The following PKD1 variants were observed in gnomAD, a reference collection of about 807,000 sequenced individuals.
The protein encoded by PKD1 is polycystin-1.
A neutral mutation model predicts 361.7 loss-of-function variants in PKD1; 81 were observed. The ratio of observed to expected loss-of-function variants is 0.22; its 90% CI spans 0.19 to 0.27. The LOEUF is 0.27. Among genes scored for constraint, PKD1 ranks in the 10% least tolerant of loss-of-function variants. The probability of loss-of-function intolerance (pLI) is 1.00; values close to 1 mark genes in which losing one functional copy is unlikely to be tolerated. For missense variants in PKD1, 6,399 were observed against 6,118.3 expected (o/e 1.05, Z -1.53); for synonymous variants, 3,615 against 2,818.3 (o/e 1.28, Z -8.95).
Position 2,090,697 on chromosome 16 carries a change from C to G in PKD1, c.12115G>C (p.Ala4039Pro), listed in dbSNP as rs914421862. ...ACCAGGATGGCCAGCTGGGCGTAGG[C>G]TACCCCGAGCACCACCAGGCCCAAG... ...VTLGLVVLGVAYAQLAILLVS... is the reference protein window; with the variant it reads ...VTLGLVVLGVPYAQLAILLVS... Residue 4039 changes from alanine to proline, a missense_variant, in exon 44 of 46, where the codon GCC (alanine) becomes CCC (proline). Ala to Pro is a conservative substitution (Grantham distance 27). Transcript: ENST00000262304. 2 of 1,612,264 alleles carry G rather than the reference C, an allele frequency of 1.2e-6. No homozygotes were observed. Among genetic ancestry groups the G allele is most frequent in the Non-Finnish European group, 1.7e-6 (2 of 1,179,946 alleles).
chr16:2,131,674 T>G (rs1480025119), intron 1 of PKD1, among the ~76,000 whole-genome samples: 1 of 150,136 alleles, frequency 6.7e-6, no homozygotes, highest in African/African-American at 2.5e-5. Context: ...TTTTTAAAAA[T>G]TAGCCGGGCG....
At position 2,089,580 on chromosome 16, in the gene PKD1, GCCCACAGACAGACAGATGC is replaced by G; in HGVS notation, c.*128_*146del. 3 of 1,012,234 alleles carry G rather than the reference GCCCACAGACAGACAGATGC, an allele frequency of 3.0e-6. No homozygotes were observed. Among genetic ancestry groups the G allele is most frequent in the Non-Finnish European group, 4.4e-6 (3 of 687,898 alleles). The allele number at this position is 1,012,234 out of a possible 1,614,324, so 62.7% of individuals were successfully genotyped here. On this transcript the variant is annotated 3_prime_UTR_variant, in exon 46 of 46. Transcript: ENST00000262304. ...CACACAGCCTCTTTAAAGTGCTGAA[GCCCACAGACAGACAGATGC>G]CCCTGCCTGCTCTCTGGGGAACCTA...
chr16:2,092,941 C>G lies in PKD1; in HGVS notation c.11156+13G>C. The G allele has an allele frequency of 2.5e-6, 4 of 1,612,924 alleles. No homozygotes were observed. The highest frequency in any genetic ancestry group is 3.4e-6 in the Non-Finnish European group (4 of 1,179,964). ...AAGCCCAGAAGACAGACCAGTGCAC[C>G]GGATGCCCGTACCGCGTGATGGCCA... On this transcript the variant is annotated intron_variant, in intron 38 of 45. Transcript: ENST00000262304.
chr16:2,097,443 C>T lies in PKD1; in HGVS notation c.10281G>A (p.Pro3427=), dbSNP rs758428518. The T allele has an allele frequency of 9.3e-6, 15 of 1,606,632 alleles. No homozygotes were observed. Among genetic ancestry groups the T allele is most frequent in the South Asian group, 2.2e-5 (2 of 91,068 alleles). The change falls in exon 33 of 46, where the codon CCG becomes CCA. Residue 3427 remains proline, a synonymous_variant. Coordinates refer to ENST00000262304, the MANE Select transcript of PKD1 (RefSeq NM_001009944.3). ...TLSWPDLLSD[P]SIVGSNLRQL... ...GCCGCAGATTGCTACCCACAATGGA[C>T]GGGTCACTGAGCAGGTCCGGCCAAC...
chr16:2,103,100 G>A (rs1489920140), intron 23 of PKD1, 130 bp from the exon 24 acceptor site: 3 of 1,277,696 alleles, frequency 2.3e-6, no homozygotes, highest in African/African-American at 1.5e-5. Context: ...CACCAGAGCT[G>A]GCACCTGCTT....
chr16:2,120,350 A>C (rs1485765539), intron 1 of PKD1: 1 of 155,038 alleles, frequency 6.5e-6, no homozygotes, highest in African/African-American at 2.4e-5. Context: ...AAGCACTAGC[A>C]ACTTACACGA....
In PKD1 at chr16:2,112,659, G is replaced by A. The variant is rs1445506035; in HGVS notation, c.3161+129C>T. 4.3e-6 allele frequency: 5 copies of A among 1,158,540 alleles called. No homozygotes were observed. The Admixed American group carries it at 7.9e-5, about 18-fold the overall frequency. 71.8% of individuals were successfully genotyped at this position (1,158,540 alleles called of 1,614,324 possible). A position where few individuals can be genotyped will look rare whatever the true frequency, so the allele number is the denominator to read the frequency against. ...CAGCCTCAGGGCTCCTGTGCACCCA[G>A]TTACCTCCCAACAGACAGGGAAACC... On this transcript the variant is annotated intron_variant, in intron 13 of 45. Coordinates refer to ENST00000262304, the MANE Select transcript of PKD1 (RefSeq NM_001009944.3).
In PKD1 at chr16:2,123,376, C is replaced by G. The variant is rs1387658600; in HGVS notation, c.216-3998G>C. 11 of 429,810 alleles carry G rather than the reference C, an allele frequency of 2.6e-5. No homozygotes were observed. The Admixed American group carries it at 2.9e-4, about 11-fold the overall frequency. The allele number at this position is 429,810 out of a possible 1,614,324, so 26.6% of individuals were successfully genotyped here. On this transcript the variant is annotated intron_variant, in intron 1 of 45. Coordinates refer to ENST00000262304, the MANE Select transcript of PKD1 (RefSeq NM_001009944.3). ...TGCCCTGGGTAGGACTCAGGTGCCC[C>G]CTGGGTGTGGAAGCATCTGCCCTGG...
At chr16:2,133,765 G>T (rs1261983450) in intron 1 of PKD1, among the ~76,000 whole-genome samples, 1 of 117,422 alleles carries the variant, frequency 8.5e-6, no homozygotes. Flanking sequence ...TTGCACACTT[G>T]GGGGGCCTGG....
intron 1 of PKD1, among the ~76,000 whole-genome samples, chr16:2,122,821 C>T (rs1250802220): frequency 4.6e-5 from 7 of 152,192 alleles, no homozygotes; most frequent in Non-Finnish European, 1.0e-4. Context: ...TGAACACAGG[C>T]AGGCCCCCTG....
chr16:2,110,817 G>A lies in PKD1; in HGVS notation c.4350C>T (p.Asn1450=), dbSNP rs1200809544. Residue 1450 remains asparagine, a synonymous_variant, in exon 15 of 46, where the codon AAC becomes AAT. Transcript: ENST00000262304. ...GGGCTGAGTCATTGGCAGCAGAGAT[G>A]TTGTTGGACGCGGTGACTGTCACAA... The part of the protein sequence containing the change: ...SYLVTVTASN[N]ISAANDSALV... The A allele has an allele frequency of 1.2e-6, 2 of 1,611,690 alleles. No individual in the cohort carries two copies. The highest frequency in any genetic ancestry group is 1.1e-5 in the South Asian group (1 of 91,032).
At chr16:2,120,553 T>C (rs1482747029) in intron 1 of PKD1, among the ~76,000 whole-genome samples, 2 of 152,098 alleles carry the variant, frequency 1.3e-5, no homozygotes, top group Non-Finnish European at 2.9e-5. Flanking sequence ...AAAAAAAGAA[T>C]CAGCCAGGCA....
intron 1 of PKD1, among the ~76,000 whole-genome samples, chr16:2,128,382 G>C (rs545068739): frequency 6.6e-6 from 1 of 150,752 alleles, no homozygotes. Context: ...AGCTGCACCT[G>C]GGCGCAGGGC....
In PKD1 at chr16:2,090,353, C is replaced by T. The variant is rs1359957327; in HGVS notation, c.12376G>A (p.Asp4126Asn). 6.2e-6 allele frequency: 10 copies of T among 1,612,588 alleles called. No individual in the cohort carries two copies. The highest frequency in any genetic ancestry group is 2.2e-5 in the East Asian group (1 of 44,876). ...AGGAACAACTCCACCATCTCGTAGT[C>T]CTGGGGCTCCCAGGCCGGCCGGTAC... ...ELYRPAWEPQ[D>N]YEMVELFLRR... Residue 4126 changes from aspartate to asparagine, a missense_variant, in exon 45 of 46, where the codon GAC (aspartate) becomes AAC (asparagine). By Grantham distance (23) the Asp-to-Asn change is conservative. Coordinates refer to ENST00000262304, the MANE Select transcript of PKD1 (RefSeq NM_001009944.3).
At chr16:2,091,653 C>A in intron 41 of PKD1, 56 bp from the exon 42 acceptor site, 1 of 1,555,708 alleles carries the variant, frequency 6.4e-7, no homozygotes, top group Non-Finnish European at 8.6e-7. Context: ...GCTGCGGGGA[C>A]CGCGCAGTGC....
intron 1 of PKD1, among the ~76,000 whole-genome samples, chr16:2,132,297 C>T (rs1204045303): frequency 6.7e-5 from 10 of 150,368 alleles, no homozygotes; most frequent in South Asian, 2.1e-4. Context: ...TGGCCGGGTG[C>T]GGTGGCTCAC....
At chr16:2,091,211 T>C (rs1443998025) in intron 42 of PKD1, 37 bp from the exon 43 acceptor site, 4 of 974,440 alleles carry the variant, frequency 4.1e-6, no homozygotes, top group Non-Finnish European at 5.2e-6. Context: ...GGAGGGACGC[T>C]GCCGGGGCGG....
chr16:2,107,315 T>C, intron 16 of PKD1: 2 of 381,944 alleles, frequency 5.2e-6, no homozygotes, highest in East Asian at 6.2e-5. Flanking sequence ...CTGCAGCCCT[T>C]AGCCAGGGCC....
In PKD1 at chr16:2,088,821, G is replaced by A. The variant is rs943040781; in HGVS notation, c.*906C>T. 2.4e-5 allele frequency: 16 copies of A among 671,540 alleles called. No homozygotes were observed. Among genetic ancestry groups the A allele is most frequent in the African/African-American group, 2.4e-4 (13 of 54,870 alleles). The allele number at this position is 671,540 out of a possible 1,614,324, so 41.6% of individuals were successfully genotyped here. A position where few individuals can be genotyped will look rare whatever the true frequency, so the allele number is the denominator to read the frequency against. ...GAAGTGGTACACAGAAGCAGGCACA[G>A]CCAGCTCCGAGGGCCTTGAGGCTGC... On this transcript the variant is annotated 3_prime_UTR_variant, in exon 46 of 46. Coordinates refer to ENST00000262304, the MANE Select transcript of PKD1 (RefSeq NM_001009944.3).
Sources: gnomAD v4.1 joint callset for allele counts (sites outside exome capture counted in the v4.1 genomes callset) on GRCh38, gnomAD v4.1.1 for gene constraint, MANE v1.5 for transcripts, NCBI Gene and HGNC (gene_info 2026-07-23, HGNC 2026-07-21) for gene names.